The following ARHGAP24 variants were observed in gnomAD, a reference collection of about 807,000 sequenced individuals.
ARHGAP24 encodes rho GTPase-activating protein 24.
Under a neutral mutation model 76.4 loss-of-function variants are expected in ARHGAP24, and 50 were observed. The ratio of observed to expected loss-of-function variants is 0.65; its 90% CI spans 0.52 to 0.83. ARHGAP24 has a LOEUF of 0.83. Among genes scored for constraint, ARHGAP24 ranks in the 40% least tolerant of loss-of-function variants. The pLI is 0.00. For missense variants in ARHGAP24, 930 were observed against 914.2 expected (o/e 1.02, Z -0.22); for synonymous variants, 345 against 323.3 (o/e 1.07, Z -0.72).
At chr4:85,543,016 C>T (rs1725765910) in intron 1 of ARHGAP24, among the ~76,000 whole-genome samples, 1 of 152,186 alleles carries the variant, frequency 6.6e-6, no homozygotes, top group Admixed American at 6.5e-5. Flanking sequence ...GAAGCTGCTG[C>T]TAACGATGCT....
At chr4:85,816,450 C>A (rs1192766600) in intron 3 of ARHGAP24, among the ~76,000 whole-genome samples, 2 of 152,016 alleles carry the variant, frequency 1.3e-5, no homozygotes, top group Non-Finnish European at 2.9e-5. Flanking sequence ...AAGTTTCATT[C>A]ATGTTTTCAC....
chr4:85,886,428 A>G, intron 3 of ARHGAP24, among the ~76,000 whole-genome samples: 1 of 152,142 alleles, frequency 6.6e-6, no homozygotes, highest in East Asian at 1.9e-4. Context: ...TGAGCACTTA[A>G]TAGATGAAGA....
intron 8 of ARHGAP24, among the ~76,000 whole-genome samples, chr4:85,988,331 T>G (rs1740122140): frequency 1.3e-5 from 2 of 151,664 alleles, no homozygotes; most frequent in African/African-American, 4.8e-5. Context: ...ACCTGTTGTA[T>G]AAAGCAAAAA....
At chr4:85,969,844 G>C (rs1738857698) in intron 5 of ARHGAP24, among the ~76,000 whole-genome samples, 1 of 152,042 alleles carries the variant, frequency 6.6e-6, no homozygotes, top group Non-Finnish European at 1.5e-5. Flanking sequence ...GAATTAATGA[G>C]GATTGCAGTT....
intron 3 of ARHGAP24, among the ~76,000 whole-genome samples, chr4:85,760,979 C>T (rs1726711615): frequency 6.6e-6 from 1 of 152,140 alleles, no homozygotes; most frequent in African/African-American, 2.4e-5. Context: ...AGCCCTACTA[C>T]AGCCTATCAA....
At chr4:85,635,102 A>G (rs1721274524) in intron 2 of ARHGAP24, among the ~76,000 whole-genome samples, 1 of 152,018 alleles carries the variant, frequency 6.6e-6, no homozygotes, top group South Asian at 2.1e-4. Context: ...AAGATTTTTC[A>G]TAGCGAGTAT....
intron 2 of ARHGAP24, among the ~76,000 whole-genome samples, chr4:85,694,568 C>A (rs1432755606): frequency 6.6e-6 from 1 of 152,014 alleles, no homozygotes; most frequent in Non-Finnish European, 1.5e-5. Flanking sequence ...CTCTAAATGA[C>A]TAGAAAATGT....
At chr4:85,628,979 T>C (rs1481630360) in intron 2 of ARHGAP24, among the ~76,000 whole-genome samples, 1 of 152,232 alleles carries the variant, frequency 6.6e-6, no homozygotes, top group Admixed American at 6.5e-5. Context: ...TTCATTTATA[T>C]TTGAATTTAT....
At chr4:85,663,045 T>C (rs1306644415) in intron 2 of ARHGAP24, among the ~76,000 whole-genome samples, 2 of 152,092 alleles carry the variant, frequency 1.3e-5, no homozygotes, top group African/African-American at 4.8e-5. Flanking sequence ...TTTTTTCCAA[T>C]TCTCTAAAGA....
At chr4:85,734,105 A>T (rs1725516020) in intron 3 of ARHGAP24, among the ~76,000 whole-genome samples, 1 of 152,184 alleles carries the variant, frequency 6.6e-6, no homozygotes, top group African/African-American at 2.4e-5. Flanking sequence ...AACTCTACTT[A>T]TTCCTGCCAC....
intron 3 of ARHGAP24, among the ~76,000 whole-genome samples, chr4:85,751,043 T>C (rs140228396): frequency 0.018 from 2,781 of 152,348 alleles, 34 homozygotes; most frequent in Middle Eastern, 0.034. Flanking sequence ...AGTTACAGCC[T>C]TCAAATCATC....
intron 3 of ARHGAP24, among the ~76,000 whole-genome samples, chr4:85,767,118 A>G (rs1301719461): frequency 1.3e-5 from 2 of 152,152 alleles, no homozygotes; most frequent in South Asian, 2.1e-4. Context: ...TTGTATAAAT[A>G]TACTCTGCAA....
intron 2 of ARHGAP24, among the ~76,000 whole-genome samples, chr4:85,713,390 A>G (rs1286265776): frequency 7.2e-5 from 11 of 152,186 alleles, no homozygotes; most frequent in Admixed American, 7.2e-4. Context: ...ATTTTTTAAA[A>G]ATATATTTTA....
chr4:85,481,136 A>G (rs1262642319), intron 1 of ARHGAP24, among the ~76,000 whole-genome samples: 2 of 152,190 alleles, frequency 1.3e-5, no homozygotes, highest in African/African-American at 4.8e-5. Context: ...ATTTTTACAT[A>G]CATTACTTCT....
intron 2 of ARHGAP24, among the ~76,000 whole-genome samples, chr4:85,637,918 T>C (rs1721385089): frequency 6.6e-6 from 1 of 152,084 alleles, no homozygotes; most frequent in Non-Finnish European, 1.5e-5. Flanking sequence ...AAGCCTGTGG[T>C]TTGCATTCCT....
intron 3 of ARHGAP24, among the ~76,000 whole-genome samples, chr4:85,773,007 G>A (rs567727640): frequency 4.6e-5 from 7 of 152,158 alleles, no homozygotes; most frequent in East Asian, 3.9e-4. Context: ...CAGTTTCCTC[G>A]TCTGCAAATA....
intron 2 of ARHGAP24, among the ~76,000 whole-genome samples, chr4:85,665,565 A>G (rs1381747036): frequency 6.6e-6 from 1 of 152,256 alleles, no homozygotes; most frequent in South Asian, 2.1e-4. Flanking sequence ...TTATGATGTT[A>G]GCTGGTTATT....
intron 5 of ARHGAP24, among the ~76,000 whole-genome samples, chr4:85,948,263 A>G (rs1324059714): frequency 6.6e-6 from 1 of 152,226 alleles, no homozygotes; most frequent in Non-Finnish European, 1.5e-5. Flanking sequence ...TACCAAAATT[A>G]GCAAGAAATA....
Position 85,704,993 on chromosome 4 carries a change from T to TTAGA in ARHGAP24, c.181-16890_181-16887dup, listed in dbSNP as rs141835966. On this transcript the variant is annotated intron_variant, in intron 2 of 9. Transcript: ENST00000395184. ...AAAGTAGAAAAGATGAGAGTTTCCTTTAGATTTTGTTGCTTTTTATGATTG... is the reference window on the plus strand; with the variant it reads ...AAAGTAGAAAAGATGAGAGTTTCCTTTAGATAGATTTTGTTGCTTTTTATGATTG... Among the ~76,000 whole-genome samples, 684 of 152,160 alleles carry TTAGA rather than the reference T, an allele frequency of 4.5e-3. 3 individuals carry two copies. The highest frequency in any genetic ancestry group is 0.014 in the Middle Eastern group (4 of 290).
Sources: allele counts gnomAD v4.1 joint callset (sites outside exome capture counted in the v4.1 genomes callset), GRCh38; gene constraint gnomAD v4.1.1; transcripts MANE v1.5; gene names NCBI Gene and HGNC (gene_info 2026-07-23, HGNC 2026-07-21).